CCSER1: variants seen among roughly 807,000 people sequenced by gnomAD.
The protein encoded by CCSER1 is serine-rich coiled-coil domain-containing protein 1.
CCSER1 carries 41 observed loss-of-function variants against 82.0 expected under a neutral mutation model. The observed-to-expected ratio is 0.50, with a 90% CI of 0.39 to 0.65. The LOEUF is 0.65. Ranked by LOEUF, CCSER1 falls within the 30% of genes least tolerant of loss-of-function variation. CCSER1 has a pLI of 0.00. For synonymous variants in CCSER1, 414 were observed against 383.9 expected, an observed-to-expected ratio of 1.08 and a Z score of -0.92; for missense variants, 1,119 against 1,064.2, an observed-to-expected ratio of 1.05 and a Z score of -0.72.
At chr4:91,383,466 C>T (rs1751070040) in intron 10 of CCSER1, among the ~76,000 whole-genome samples, 1 of 151,926 alleles carries the variant, frequency 6.6e-6, no homozygotes, top group Non-Finnish European at 1.5e-5. Flanking sequence ...AAAGCCTCAA[C>T]TTTGGGGCAA....
At chr4:90,742,718 G>T (rs1306397484) in intron 7 of CCSER1, among the ~76,000 whole-genome samples, 4 of 152,130 alleles carry the variant, frequency 2.6e-5, no homozygotes, top group African/African-American at 9.7e-5. Flanking sequence ...AATTAATTTT[G>T]CCATGCATGA....
At chr4:90,983,141 T>C (rs990349929) in intron 9 of CCSER1, among the ~76,000 whole-genome samples, 1 of 151,786 alleles carries the variant, frequency 6.6e-6, no homozygotes, top group Non-Finnish European at 1.5e-5. Context: ...TTTAACAGTT[T>C]GGAGTATATT....
intron 10 of CCSER1, among the ~76,000 whole-genome samples, chr4:91,125,128 A>G (rs1300328508): frequency 6.6e-6 from 1 of 151,874 alleles, no homozygotes; most frequent in African/African-American, 2.4e-5. Flanking sequence ...TTCAATCAGT[A>G]TATCAAATTT....
chr4:91,187,947 GT>G (rs34777875), intron 10 of CCSER1, among the ~76,000 whole-genome samples: 5 of 151,546 alleles, frequency 3.3e-5, no homozygotes, highest in South Asian at 2.1e-4. Context: ...ATCATGAGAA[GT>G]TTTTTTTTGT....
At chr4:91,406,097 A>C (rs956451861) in intron 10 of CCSER1, among the ~76,000 whole-genome samples, 10 of 152,208 alleles carry the variant, frequency 6.6e-5, no homozygotes, top group African/African-American at 2.4e-4. Context: ...GAAAGTGCAA[A>C]ACAGAGAAAT....
chr4:90,706,878 GT>G (rs1739454696), intron 6 of CCSER1, among the ~76,000 whole-genome samples: 1 of 152,284 alleles, frequency 6.6e-6, no homozygotes, highest in Non-Finnish European at 1.5e-5. Context: ...GAAAGAATGA[GT>G]TTGATGAAGT....
At chr4:90,425,667 C>T (rs1757422852) in intron 4 of CCSER1, among the ~76,000 whole-genome samples, 1 of 152,080 alleles carries the variant, frequency 6.6e-6, no homozygotes, top group South Asian at 2.1e-4. Flanking sequence ...CTGTATTGTC[C>T]ACAAGGTGTG....
At chr4:91,443,025 G>A (rs555540132) in intron 10 of CCSER1, among the ~76,000 whole-genome samples, 1 of 152,132 alleles carries the variant, frequency 6.6e-6, no homozygotes, top group Admixed American at 6.6e-5. Context: ...ACTGTTGGTG[G>A]GACTGTAAAC....
intron 5 of CCSER1, among the ~76,000 whole-genome samples, chr4:90,570,598 G>C (rs1054225997): frequency 3.3e-5 from 5 of 152,088 alleles, no homozygotes; most frequent in African/African-American, 1.2e-4. Context: ...CCTAAGAGAG[G>C]GGGTGAATGC....
rs1421377509 is a variant in CCSER1, at chr4:90,468,290, C to T, written c.1660C>T (p.Pro554Ser). ...VVSCAAVVLT[P>S]MEPMIEMKKR... ...CTCATGTGCCGCAGTAGTTCTTACT[C>T]CTATGGAACCAATGATAGAAATGAA... is the stretch of plus-strand genomic sequence containing the variant. The change falls in exon 5 of 11, where the codon CCT becomes TCT. Residue 554 changes from proline (P) to serine (S), a missense_variant. Pro to Ser is a moderately conservative substitution (Grantham distance 74). Coordinates refer to ENST00000509176, the MANE Select transcript of CCSER1 (RefSeq NM_001145065.2). 1 of 1,608,664 alleles carries T rather than the reference C, an allele frequency of 6.2e-7. No individual in the cohort carries two copies. Among genetic ancestry groups the T allele is most frequent in the South Asian group, 1.1e-5 (1 of 90,236 alleles).
intron 1 of CCSER1, among the ~76,000 whole-genome samples, chr4:90,307,002 G>T (rs1734395219): frequency 6.6e-6 from 1 of 152,184 alleles, no homozygotes; most frequent in Non-Finnish European, 1.5e-5. Flanking sequence ...TTTAGTGAAT[G>T]CAGTATGTAT....
chr4:90,502,859 G>T (rs1483263455), intron 5 of CCSER1, among the ~76,000 whole-genome samples: 1 of 152,034 alleles, frequency 6.6e-6, no homozygotes, highest in African/African-American at 2.4e-5. Flanking sequence ...GAAACTTCTG[G>T]CTTTTAAGCC....
At chr4:90,315,216 A>G (rs890099262) in intron 3 of CCSER1, among the ~76,000 whole-genome samples, 2 of 152,074 alleles carry the variant, frequency 1.3e-5, no homozygotes, top group Admixed American at 6.5e-5. Flanking sequence ...GAGGCCTTAT[A>G]TTTAAATTTT....
At chr4:90,818,885 CA>C (rs947972459) in intron 8 of CCSER1, among the ~76,000 whole-genome samples, 15 of 151,980 alleles carry the variant, frequency 9.9e-5, no homozygotes, top group African/African-American at 2.9e-4. Flanking sequence ...AGGAAAAAAA[CA>C]AAAAACTCCA....
chr4:90,285,721 T>C (rs1049147609), intron 1 of CCSER1, among the ~76,000 whole-genome samples: 2 of 152,056 alleles, frequency 1.3e-5, no homozygotes, highest in African/African-American at 2.4e-5. Context: ...CTTTTCTATA[T>C]TATAGAGGAA....
At chr4:90,554,930 C>A (rs1444750347) in intron 5 of CCSER1, among the ~76,000 whole-genome samples, 1 of 152,120 alleles carries the variant, frequency 6.6e-6, no homozygotes. Flanking sequence ...GAAATATTTT[C>A]TTGAATCTGG....
At chr4:90,935,980 C>A (rs974585907) in intron 9 of CCSER1, among the ~76,000 whole-genome samples, 3 of 151,636 alleles carry the variant, frequency 2.0e-5, no homozygotes, top group Non-Finnish European at 2.9e-5. Context: ...TCACTTTTTG[C>A]AATGAACATA....
At chr4:91,163,491 A>C (rs1002973103) in intron 10 of CCSER1, among the ~76,000 whole-genome samples, 3 of 152,052 alleles carry the variant, frequency 2.0e-5, no homozygotes, top group African/African-American at 7.2e-5. Flanking sequence ...ATCCTTGTTA[A>C]CCTTCTGTCT....
intron 10 of CCSER1, chr4:91,319,621 G>A: frequency 2.2e-6 from 1 of 454,334 alleles, no homozygotes; most frequent in Non-Finnish European, 4.4e-6. Context: ...TGCAGTTTTT[G>A]ACATATTAAA....
Sources: gnomAD v4.1 joint callset for allele counts (sites outside exome capture counted in the v4.1 genomes callset) on GRCh38, gnomAD v4.1.1 for gene constraint, MANE v1.5 for transcripts, NCBI Gene and HGNC (gene_info 2026-07-23, HGNC 2026-07-21) for gene names.